LRRC49: variants seen among roughly 807,000 people sequenced by gnomAD.
LRRC49 encodes leucine rich repeat containing 49.
In LRRC49, 50 loss-of-function variants were observed where a neutral mutation model predicts 83.3. That is an observed-to-expected ratio of 0.60 (90% CI 0.48 to 0.76). The LOEUF (loss-of-function observed/expected upper bound fraction) is 0.76, where lower values mean the gene tolerates loss of function less well. LRRC49 is among the 30% of genes least tolerant of loss of function. LRRC49 has a pLI of 0.00. For missense variants in LRRC49, 704 were observed against 809.1 expected (o/e 0.87, Z 1.58); for synonymous variants, 286 against 283.3 (o/e 1.01, Z -0.10).
intron 8 of LRRC49, among the ~76,000 whole-genome samples, chr15:70,952,725 G>T (rs1432641079): frequency 1.3e-5 from 2 of 152,242 alleles, no homozygotes; most frequent in East Asian, 3.9e-4. Context: ...TGCTATTAGT[G>T]GGGGTTGAAG....
intron 11 of LRRC49, among the ~76,000 whole-genome samples, chr15:71,001,300 C>G (rs148967646): frequency 6.6e-6 from 1 of 152,126 alleles, no homozygotes; most frequent in Non-Finnish European, 1.5e-5. Context: ...TGCAATGCCA[C>G]TCTGTGAGAC....
chr15:70,997,240 G>A (rs927174430), intron 11 of LRRC49, among the ~76,000 whole-genome samples: 1 of 151,976 alleles, frequency 6.6e-6, no homozygotes, highest in Non-Finnish European at 1.5e-5. Context: ...CTTTATAATT[G>A]TTGTACCTTC....
intron 2 of LRRC49, chr15:70,882,294 G>A: frequency 1.7e-6 from 1 of 600,186 alleles, no homozygotes; most frequent in Non-Finnish European, 2.9e-6. Context: ...TCTTCATTGT[G>A]TTGGCAAGCA....
intron 9 of LRRC49, among the ~76,000 whole-genome samples, 179 bp downstream of exon 9, chr15:70,964,111 T>A (rs1475168968): frequency 6.6e-6 from 1 of 152,188 alleles, no homozygotes; most frequent in Non-Finnish European, 1.5e-5. Context: ...CCAAGTTTAA[T>A]TGAGCAAGAC....
At chr15:71,025,426 A>G (rs1419081824) in intron 14 of LRRC49, among the ~76,000 whole-genome samples, 1 of 152,210 alleles carries the variant, frequency 6.6e-6, no homozygotes, top group Non-Finnish European at 1.5e-5. Context: ...CTGAAGTACA[A>G]AGACCAATGA....
upstream of LRRC49, chr15:70,892,079 A>G (rs766624677): frequency 6.2e-7 from 1 of 1,613,942 alleles, no homozygotes; most frequent in South Asian, 1.1e-5. Flanking sequence ...AACCGAAGAG[A>G]CGTCAAAACA....
chr15:70,900,833 G>A, intron 3 of LRRC49, 89 bp from the exon 4 acceptor site: 1 of 730,116 alleles, frequency 1.4e-6, no homozygotes, highest in Non-Finnish European at 2.4e-6. Context: ...GATATTTATG[G>A]TGCTAAAATT....
chr15:70,948,788 C>T lies in LRRC49; in HGVS notation c.773+11966C>T, dbSNP rs114225308. 2.4e-3 allele frequency among the ~76,000 whole-genome samples: 366 copies of T among 152,068 alleles called. 2 individuals carry two copies. Among genetic ancestry groups the T allele is most frequent in the African/African-American group, 8.6e-3 (356 of 41,494 alleles). Reference sequence around the variant, plus strand: ...AGATTTGAGTGCAAGGTGTGCTTATCCTTTTTGAGTTATCATTGTTTCTGG... The same window carrying T: ...AGATTTGAGTGCAAGGTGTGCTTATTCTTTTTGAGTTATCATTGTTTCTGG... On this transcript the variant is annotated intron_variant, in intron 8 of 15. Coordinates refer to ENST00000260382, the MANE Select transcript of LRRC49 (RefSeq NM_017691.5).
chr15:71,020,973 G>C (rs1480826355), intron 14 of LRRC49, among the ~76,000 whole-genome samples: 1 of 152,052 alleles, frequency 6.6e-6, no homozygotes, highest in Non-Finnish European at 1.5e-5. Flanking sequence ...TGGTTTCCTT[G>C]GGCCACATTG....
rs1039178237 is a variant in LRRC49 at position 71,052,382 on chromosome 15, G to A, written c.*2770G>A. 5 of 152,226 alleles carry A rather than the reference G, an allele frequency of 3.3e-5. No individual in the cohort carries two copies. Among genetic ancestry groups the A allele is most frequent in the African/African-American group, 4.8e-5 (2 of 41,454 alleles). The allele number at this position is 152,226 out of a possible 1,614,324, so 9.4% of individuals were successfully genotyped here. A position where few individuals can be genotyped will look rare whatever the true frequency, so the allele number is the denominator to read the frequency against. ...ACCCGATGTTCTGGTACAGCAGCTG[G>A]ATGGTGAAGTGTGCTGCTACACCTG... On this transcript the variant is annotated 3_prime_UTR_variant, in exon 16 of 16. Transcript: ENST00000260382.
At chr15:70,872,711 C>T (rs1257833970) in intron 1 of LRRC49, among the ~76,000 whole-genome samples, 1 of 151,922 alleles carries the variant, frequency 6.6e-6, no homozygotes, top group Non-Finnish European at 1.5e-5. Flanking sequence ...AAAATTGAGA[C>T]CAGACAAGTT....
intron 1 of LRRC49, among the ~76,000 whole-genome samples, chr15:70,866,391 C>T (rs1048326475): frequency 2.2e-4 from 34 of 152,064 alleles, no homozygotes; most frequent in African/African-American, 7.7e-4. Context: ...GTGATCCGCC[C>T]GCTTCAGACT....
intron 1 of LRRC49, among the ~76,000 whole-genome samples, chr15:70,855,925 G>A (rs1420728291): frequency 6.6e-6 from 1 of 152,166 alleles, no homozygotes; most frequent in East Asian, 1.9e-4. Flanking sequence ...GGAAAGAGCT[G>A]CAGCAGCCAC....
intron 15 of LRRC49, among the ~76,000 whole-genome samples, chr15:71,041,893 G>A (rs2141305316): frequency 6.6e-6 from 1 of 152,288 alleles, no homozygotes; most frequent in Non-Finnish European, 1.5e-5. Flanking sequence ...TGGTTGTAAA[G>A]AGATAGTCTA....
chr15:70,863,789 G>GTA (rs1427454989), intron 1 of LRRC49, among the ~76,000 whole-genome samples: 1 of 152,212 alleles, frequency 6.6e-6, no homozygotes, highest in Non-Finnish European at 1.5e-5. Flanking sequence ...TAGGGGGACT[G>GTA]TACATGAAAA....
intron 1 of LRRC49, among the ~76,000 whole-genome samples, chr15:70,869,282 GTAT>G (rs2032978528): frequency 6.6e-6 from 1 of 152,124 alleles, no homozygotes; most frequent in Non-Finnish European, 1.5e-5. Flanking sequence ...TTTCTGGATA[GTAT>G]TATATTTGTT....
intron 10 of LRRC49, among the ~76,000 whole-genome samples, chr15:70,982,929 C>A (rs375376348): frequency 2.4e-4 from 36 of 152,224 alleles, no homozygotes; most frequent in Middle Eastern, 3.4e-3. Flanking sequence ...CAAAGAGGTA[C>A]AACTAAAAAG....
At chr15:70,925,558 A>G (rs1013851656) in intron 7 of LRRC49, among the ~76,000 whole-genome samples, 7 of 152,158 alleles carry the variant, frequency 4.6e-5, no homozygotes, top group African/African-American at 7.2e-5. Context: ...GATGAAAGAA[A>G]TTTCAAAATA....
At chr15:70,987,499 T>C (rs1351217165) in intron 11 of LRRC49, among the ~76,000 whole-genome samples, 2 of 152,196 alleles carry the variant, frequency 1.3e-5, no homozygotes, top group Admixed American at 1.3e-4. Flanking sequence ...TATCATTTTT[T>C]ATTGCGTCTA....
Sources: allele counts gnomAD v4.1 joint callset (sites outside exome capture counted in the v4.1 genomes callset), GRCh38; gene constraint gnomAD v4.1.1; transcripts MANE v1.5; gene names NCBI Gene and HGNC (gene_info 2026-07-23, HGNC 2026-07-21).